The following FGF12 variants were observed in gnomAD, a reference collection of about 807,000 sequenced individuals.
FGF12 encodes fibroblast growth factor 12B.
In FGF12, 14 loss-of-function variants were observed where a neutral mutation model predicts 23.6. The ratio of observed to expected loss-of-function variants is 0.59; its 90% CI spans 0.39 to 0.93. The LOEUF is 0.93. Among genes scored for constraint, FGF12 ranks in the 40% least tolerant of loss-of-function variants. FGF12 has a pLI of 0.00. For missense variants in FGF12, 175 were observed against 217.8 expected, an observed-to-expected ratio of 0.80 and a Z score of 1.24; for synonymous variants, 62 against 77.3, an observed-to-expected ratio of 0.80 and a Z score of 1.04.
intron 4 of FGF12, among the ~76,000 whole-genome samples, chr3:192,217,866 C>T (rs1161249122): frequency 1.3e-5 from 2 of 149,494 alleles, no homozygotes; most frequent in Non-Finnish European, 3.0e-5. Flanking sequence ...GATGGAATTT[C>T]GCTCTTGTTG....
chr3:192,221,530 G>A (rs897844911), intron 4 of FGF12, among the ~76,000 whole-genome samples: 5 of 152,136 alleles, frequency 3.3e-5, no homozygotes, highest in Non-Finnish European at 1.5e-5. Context: ...GGTGCTGGAG[G>A]GAGGAAGAGA....
intron 2 of FGF12, among the ~76,000 whole-genome samples, chr3:192,387,283 T>G (rs1720086376): frequency 6.6e-6 from 1 of 152,136 alleles, no homozygotes; most frequent in African/African-American, 2.4e-5. Flanking sequence ...CCTTTTATGA[T>G]TTCACAGAAT....
At chr3:192,331,568 C>T (rs183087159) in intron 4 of FGF12, among the ~76,000 whole-genome samples, 100 of 152,122 alleles carry the variant, frequency 6.6e-4, no homozygotes, top group African/African-American at 2.2e-3. Context: ...GAGAACATTA[C>T]GCTAAGTGAA....
rs138977947 is a variant in FGF12, at chr3:192,203,058, T to C, written c.229-32402A>G. ...ATTTTCAAAAACTTCAGTCTATATA[T>C]AATATTAGGAGGAAAAGACTAGTCA... is the stretch of plus-strand genomic sequence containing the variant. On this transcript the variant is annotated intron_variant, in intron 4 of 5. Transcript: ENST00000445105. 4.5e-3 allele frequency among the ~76,000 whole-genome samples: 690 copies of C among 152,264 alleles called. 4 individuals are homozygous for C. The highest frequency in any genetic ancestry group is 7.4e-3 in the Non-Finnish European group (501 of 68,006).
chr3:192,198,592 A>G (rs1235699268), intron 4 of FGF12, among the ~76,000 whole-genome samples: 1 of 152,234 alleles, frequency 6.6e-6, no homozygotes, highest in Non-Finnish European at 1.5e-5. Flanking sequence ...CTATGAGTCT[A>G]AAATAGACTG....
chr3:192,334,146 G>A (rs1023013870), intron 4 of FGF12, among the ~76,000 whole-genome samples: 1 of 152,072 alleles, frequency 6.6e-6, no homozygotes, highest in African/African-American at 2.4e-5. Flanking sequence ...TCCGAGCTTA[G>A]GCAGATAAGG....
chr3:192,650,018 C>T (rs1018243602), intron 2 of FGF12, among the ~76,000 whole-genome samples: 3 of 152,170 alleles, frequency 2.0e-5, no homozygotes, highest in African/African-American at 7.2e-5. Context: ...AACTTGGCAA[C>T]ATGCAAACCT....
intron 4 of FGF12, among the ~76,000 whole-genome samples, chr3:192,182,730 A>G (rs1325347344): frequency 2.0e-5 from 3 of 152,162 alleles, no homozygotes; most frequent in African/African-American, 7.2e-5. Flanking sequence ...CAGTATTTTC[A>G]TGACTCAGAT....
chr3:192,270,151 C>T (rs1713341616), intron 4 of FGF12, among the ~76,000 whole-genome samples: 1 of 152,260 alleles, frequency 6.6e-6, no homozygotes, highest in East Asian at 1.9e-4. Context: ...AATTCAAGGC[C>T]TTTTTGCTCT....
intron 2 of FGF12, among the ~76,000 whole-genome samples, chr3:192,605,336 G>A (rs961226570): frequency 2.0e-4 from 30 of 149,136 alleles, no homozygotes; most frequent in African/African-American, 6.0e-4. Context: ...AGCCAAGGTC[G>A]CACCACTGCA....
chr3:192,232,252 T>C (rs568900637), intron 4 of FGF12, among the ~76,000 whole-genome samples: 1 of 152,282 alleles, frequency 6.6e-6, no homozygotes, highest in African/African-American at 2.4e-5. Flanking sequence ...TATCAACAGG[T>C]CATTTTCTTT....
At chr3:192,707,213 A>C (rs1446391050) in intron 2 of FGF12, among the ~76,000 whole-genome samples, 3 of 152,208 alleles carry the variant, frequency 2.0e-5, no homozygotes, top group Non-Finnish European at 4.4e-5. Context: ...CTGATGCAGA[A>C]GTCTCTTTTT....
intron 2 of FGF12, among the ~76,000 whole-genome samples, chr3:192,397,905 G>C (rs1234112295): frequency 6.6e-6 from 1 of 151,736 alleles, no homozygotes; most frequent in Non-Finnish European, 1.5e-5. Context: ...CATCTTTTGA[G>C]TTCCCAAATT....
rs185169627 is a variant in FGF12 at position 192,618,298 on chromosome 3, T to C, written c.13+108883A>G. Among the ~76,000 whole-genome samples the C allele has an allele frequency of 3.8e-3, 572 of 151,820 alleles. 1 individual carries two copies. The highest frequency in any genetic ancestry group is 9.0e-3 in the South Asian group (43 of 4,802). ...GTCCGCTAAGTTAACCAGAGAATGC[T>C]ACTGCTGATAGAATTGCATTCCAAA... On this transcript the variant is annotated intron_variant, in intron 2 of 5. Coordinates refer to ENST00000445105, the MANE Select transcript of FGF12 (RefSeq NM_004113.6).
chr3:192,519,312 G>C (rs1440553221), intron 2 of FGF12, among the ~76,000 whole-genome samples: 3 of 152,184 alleles, frequency 2.0e-5, no homozygotes, highest in Non-Finnish European at 2.9e-5. Context: ...ATTTCTAATA[G>C]GTATTGGTCA....
Position 192,632,063 on chromosome 3 carries a change from A to G in FGF12, c.13+95118T>C, listed in dbSNP as rs1272006819. On this transcript the variant is annotated intron_variant, in intron 2 of 5. Coordinates refer to ENST00000445105, the MANE Select transcript of FGF12 (RefSeq NM_004113.6). Reference sequence around the variant, plus strand: ...CAAACAAATTAGCCAACAGTTGCCAAATCATCTAAAAATGAACTGAGCTAA... The same window carrying G: ...CAAACAAATTAGCCAACAGTTGCCAGATCATCTAAAAATGAACTGAGCTAA... Among the ~76,000 whole-genome samples the G allele has an allele frequency of 2.0e-5, 3 of 152,226 alleles. No individual in the cohort carries two copies. The South Asian group carries it at 6.2e-4, about 31-fold the overall frequency.
chr3:192,660,983 T>C (rs1382704086), intron 2 of FGF12, among the ~76,000 whole-genome samples: 1 of 92,982 alleles, frequency 1.1e-5, no homozygotes, highest in African/African-American at 4.3e-5. Context: ...CCCTAGTTCT[T>C]TAAAAAAAAA....
At chr3:192,359,792 T>TC (rs141233440) in intron 3 of FGF12, among the ~76,000 whole-genome samples, 6,370 of 150,864 alleles carry the variant, frequency 0.042, 452 homozygotes, top group African/African-American at 0.14. Flanking sequence ...CATTTTTATT[T>TC]CCCCCCCCAA....
At chr3:192,323,798 A>T (rs1007021981) in intron 4 of FGF12, among the ~76,000 whole-genome samples, 4 of 152,156 alleles carry the variant, frequency 2.6e-5, no homozygotes, top group Non-Finnish European at 5.9e-5. Context: ...CTGTACTAAA[A>T]TATCTCATGT....
Sources: allele counts gnomAD v4.1 joint callset (sites outside exome capture counted in the v4.1 genomes callset), GRCh38; gene constraint gnomAD v4.1.1; transcripts MANE v1.5; gene names NCBI Gene and HGNC (gene_info 2026-07-23, HGNC 2026-07-21).